The following SLIT3 variants were observed in gnomAD, a reference collection of about 807,000 sequenced individuals.
The protein encoded by SLIT3 is slit homolog 3 protein.
Under a neutral mutation model 184.0 loss-of-function variants are expected in SLIT3, and 68 were observed. The observed-to-expected ratio is 0.37, with a 90% CI of 0.30 to 0.45. The LOEUF is 0.45. SLIT3 is among the 20% of genes least tolerant of loss of function. SLIT3 has a pLI of 1.00. For missense variants in SLIT3, 1,707 were observed against 2,026.0 expected (o/e 0.84, Z 3.02); for synonymous variants, 831 against 828.6 (o/e 1.00, Z -0.05).
chr5:169,261,200 T>A (rs1766162223), intron 1 of SLIT3, among the ~76,000 whole-genome samples: 1 of 150,334 alleles, frequency 6.7e-6, no homozygotes, highest in African/African-American at 2.5e-5. Context: ...GGGTGTAGGG[T>A]CGGGGGAGGC....
At chr5:169,106,540 T>C (rs1056817117) in intron 4 of SLIT3, among the ~76,000 whole-genome samples, 1 of 152,174 alleles carries the variant, frequency 6.6e-6, no homozygotes, top group Non-Finnish European at 1.5e-5. Flanking sequence ...AAAACACTCT[T>C]TAAAAAAATC....
chr5:169,078,598 A>G (rs1280196810), intron 4 of SLIT3, among the ~76,000 whole-genome samples: 1 of 152,100 alleles, frequency 6.6e-6, no homozygotes, highest in Non-Finnish European at 1.5e-5. Flanking sequence ...TCTCCCTCCT[A>G]TCACCTTCCT....
At chr5:168,958,226 G>A (rs566912966) in intron 4 of SLIT3, among the ~76,000 whole-genome samples, 10 of 152,278 alleles carry the variant, frequency 6.6e-5, no homozygotes, top group Admixed American at 5.2e-4. Flanking sequence ...AAGCTATCAC[G>A]GATTCAGAAA....
At chr5:168,822,772 T>TGCTGGGTGGGG (rs1757575129) in intron 7 of SLIT3, among the ~76,000 whole-genome samples, 1 of 152,092 alleles carries the variant, frequency 6.6e-6, no homozygotes, top group Non-Finnish European at 1.5e-5. Flanking sequence ...CAGGGAAATG[T>TGCTGGGTGGGG]GCTGGGTGGG....
At chr5:169,099,509 GCTGA>G (rs1341175839) in intron 4 of SLIT3, among the ~76,000 whole-genome samples, 2 of 152,212 alleles carry the variant, frequency 1.3e-5, no homozygotes, top group Non-Finnish European at 2.9e-5. Flanking sequence ...TCTTCACAGT[GCTGA>G]CTGTTTTCTA....
chr5:169,265,225 T>G (rs1392800407), intron 1 of SLIT3, among the ~76,000 whole-genome samples: 2 of 152,182 alleles, frequency 1.3e-5, no homozygotes, highest in Non-Finnish European at 2.9e-5. Context: ...GAGACGAACT[T>G]GCAAACTGGT....
chr5:168,871,907 T>C (rs868537715), intron 5 of SLIT3, among the ~76,000 whole-genome samples: 5 of 152,232 alleles, frequency 3.3e-5, no homozygotes, highest in Middle Eastern at 6.8e-3. Flanking sequence ...GACTCCAGAG[T>C]CTGAGCACTT....
intron 6 of SLIT3, among the ~76,000 whole-genome samples, chr5:168,838,648 G>A (rs1044409997): frequency 2.0e-5 from 3 of 152,044 alleles, no homozygotes; most frequent in Non-Finnish European, 2.9e-5. Flanking sequence ...CTAACACCCT[G>A]TACCAGGACA....
At chr5:169,227,028 G>A (rs1764836959) in intron 3 of SLIT3, among the ~76,000 whole-genome samples, 1 of 152,094 alleles carries the variant, frequency 6.6e-6, no homozygotes, top group Admixed American at 6.5e-5. Context: ...TTTGTGTCTG[G>A]GGAACCCACT....
intron 4 of SLIT3, among the ~76,000 whole-genome samples, chr5:168,894,839 G>T (rs1161048657): frequency 6.6e-6 from 1 of 152,212 alleles, no homozygotes; most frequent in African/African-American, 2.4e-5. Context: ...CACTCATAGA[G>T]ATTAGGATAA....
chr5:169,137,158 C>A (rs552788595), intron 4 of SLIT3, among the ~76,000 whole-genome samples: 1 of 152,218 alleles, frequency 6.6e-6, no homozygotes, highest in South Asian at 2.1e-4. Flanking sequence ...GACCATCAGG[C>A]CTTTCAAAAG....
chr5:168,941,842 T>G (rs572804339), intron 4 of SLIT3, among the ~76,000 whole-genome samples: 1 of 152,160 alleles, frequency 6.6e-6, no homozygotes, highest in Non-Finnish European at 1.5e-5. Flanking sequence ...CTCATGGTGT[T>G]TGTCAGGGTC....
Position 169,300,504 on chromosome 5 carries a change from G to T in SLIT3, c.197+9C>A, listed in dbSNP as rs1052380350. ...GGTGGCCCGCGTGGGGTGGGGCAGG[G>T]GTACTCACAGGCGCTCAGCGTTGCG... is the stretch of plus-strand genomic sequence containing the variant. On this transcript the variant is annotated intron_variant, in intron 1 of 35. Coordinates refer to ENST00000519560, the MANE Select transcript of SLIT3 (RefSeq NM_003062.4). This position sits in a 1 kb window ranked among gnomAD's most constrained non-coding sequence, Gnocchi z 4.1. 34 of 1,490,388 alleles carry T rather than the reference G, an allele frequency of 2.3e-5. No individual in the cohort carries two copies. The African/African-American group carries it at 3.6e-4, about 16-fold the overall frequency. The allele number at this position is 1,490,388 out of a possible 1,614,324, so 92.3% of individuals were successfully genotyped here.
At chr5:168,725,119 C>A (rs1581008177) in intron 20 of SLIT3, among the ~76,000 whole-genome samples, 1 of 152,096 alleles carries the variant, frequency 6.6e-6, no homozygotes, top group African/African-American at 2.4e-5. Context: ...CAGTTCCCAG[C>A]AGAAGGACTA....
intron 4 of SLIT3, 93 bp downstream of exon 4, chr5:169,193,386 C>A: frequency 9.6e-7 from 1 of 1,041,682 alleles, no homozygotes; most frequent in Non-Finnish European, 1.5e-6. Context: ...AACTGCCAAG[C>A]TCCACACGGC....
rs1335872943 is a variant in SLIT3, at chr5:169,259,146, C to T, written c.198-7687G>A. 2.6e-5 allele frequency among the ~76,000 whole-genome samples: 4 copies of T among 152,310 alleles called. 1 individual carries two copies. Among genetic ancestry groups the T allele is most frequent in the Non-Finnish European group, 1.5e-5 (1 of 68,032 alleles). ...GAAGGGCAGTGGCTCAATCTCACCTCACTGCAACCTCCACCTCCCAGGTTC... is the reference window on the plus strand; with the variant it reads ...GAAGGGCAGTGGCTCAATCTCACCTTACTGCAACCTCCACCTCCCAGGTTC... On this transcript the variant is annotated intron_variant, in intron 1 of 35. Coordinates refer to ENST00000519560, the MANE Select transcript of SLIT3 (RefSeq NM_003062.4).
chr5:169,085,159 A>G (rs1029506209), intron 4 of SLIT3, among the ~76,000 whole-genome samples: 2 of 152,126 alleles, frequency 1.3e-5, no homozygotes, highest in Non-Finnish European at 2.9e-5. Flanking sequence ...TCCAACTTCT[A>G]CTGGGGTTTA....
intron 9 of SLIT3, among the ~76,000 whole-genome samples, chr5:168,796,926 AG>A (rs1489433505): frequency 5.9e-5 from 9 of 152,192 alleles, no homozygotes; most frequent in Non-Finnish European, 1.3e-4. Flanking sequence ...GGGGGAAAGC[AG>A]GGAGAAAGGG....
intron 4 of SLIT3, among the ~76,000 whole-genome samples, chr5:168,943,125 T>C (rs1320993699): frequency 6.6e-6 from 1 of 152,230 alleles, no homozygotes; most frequent in Admixed American, 6.5e-5. Context: ...CCAATATCCA[T>C]GTCCCAGGAT....
Sources: allele counts gnomAD v4.1 joint callset (sites outside exome capture counted in the v4.1 genomes callset), GRCh38; gene constraint gnomAD v4.1.1; non-coding constraint Gnocchi (gnomAD v3.1); transcripts MANE v1.5; gene names NCBI Gene and HGNC (gene_info 2026-07-23, HGNC 2026-07-21).